The following LRP1B variants were observed in gnomAD, a reference collection of about 807,000 sequenced individuals.
The protein encoded by LRP1B is LDL receptor related protein 1B.
LRP1B carries 217 observed loss-of-function variants against 556.6 expected under a neutral mutation model. That is an observed-to-expected ratio of 0.39 (90% CI 0.35 to 0.44). The LOEUF (loss-of-function observed/expected upper bound fraction) is 0.44, where lower values mean the gene tolerates loss of function less well. Ranked by LOEUF, LRP1B falls within the 20% of genes least tolerant of loss-of-function variation. The pLI, the probability that LRP1B is intolerant of heterozygous loss-of-function variation, is 1.00. For synonymous variants in LRP1B, 2,047 were observed against 1,865.8 expected (o/e 1.10, Z -2.50); for missense variants, 5,053 against 5,620.8 (o/e 0.90, Z 3.23).
intron 3 of LRP1B, among the ~76,000 whole-genome samples, chr2:141,315,567 G>GT (rs1404024532): frequency 6.6e-6 from 1 of 151,468 alleles, no homozygotes; most frequent in Non-Finnish European, 1.5e-5. Context: ...CCGAATGATT[G>GT]TATTTTATAA....
intron 1 of LRP1B, among the ~76,000 whole-genome samples, chr2:142,118,481 C>T (rs1362216883): frequency 1.3e-5 from 2 of 152,110 alleles, no homozygotes; most frequent in African/African-American, 2.4e-5. Context: ...TCCAACGGGT[C>T]AACATTTTCT....
At chr2:141,428,336 C>G (rs2104978673) in intron 3 of LRP1B, among the ~76,000 whole-genome samples, 1 of 152,146 alleles carries the variant, frequency 6.6e-6, no homozygotes, top group East Asian at 1.9e-4. Flanking sequence ...CTTGACAAAT[C>G]AAAACATGAA....
In LRP1B at chr2:141,444,878, C is replaced by T. The variant is rs191317699; in HGVS notation, c.343+35518G>A. Among the ~76,000 whole-genome samples the T allele has an allele frequency of 4.7e-4, 72 of 152,212 alleles. 2 individuals carry two copies. In the South Asian group the frequency reaches 5.8e-3, roughly 12 times the overall value. On this transcript the variant is annotated intron_variant, in intron 3 of 90. Coordinates refer to ENST00000389484, the MANE Select transcript of LRP1B (RefSeq NM_018557.3). ...ATGGATGTTCATCAGGGATATTGGC[C>T]TGAACTTTTCTTTTTCTGTTGTGTC...
At chr2:141,017,446 TA>T (rs1697936483) in intron 12 of LRP1B, among the ~76,000 whole-genome samples, 1 of 151,476 alleles carries the variant, frequency 6.6e-6, no homozygotes, top group Admixed American at 6.6e-5. Flanking sequence ...AAATCACACA[TA>T]CATGTGCCTG....
chr2:141,957,186 G>A (rs1263838377), intron 1 of LRP1B, among the ~76,000 whole-genome samples: 1 of 151,916 alleles, frequency 6.6e-6, no homozygotes, highest in Non-Finnish European at 1.5e-5. Flanking sequence ...TGGTCCTAGA[G>A]AATCAAGAAA....
intron 11 of LRP1B, among the ~76,000 whole-genome samples, chr2:141,025,666 C>G (rs1318433958): frequency 6.6e-5 from 10 of 152,040 alleles, no homozygotes; most frequent in African/African-American, 2.2e-4. Flanking sequence ...TGCTGATGTA[C>G]TCTGCAAATT....
At chr2:140,678,490 T>G (rs1399482388) in intron 41 of LRP1B, among the ~76,000 whole-genome samples, 4 of 152,218 alleles carry the variant, frequency 2.6e-5, no homozygotes, top group Admixed American at 1.3e-4. Context: ...CAGAACATAT[T>G]AGCATTAAAG....
At chr2:141,208,876 CAAAAAAAAAAAAAAAAAAAAAAAAA>C (rs57659094) in intron 6 of LRP1B, among the ~76,000 whole-genome samples, 62 of 65,484 alleles carry the variant, frequency 9.5e-4, no homozygotes, top group African/African-American at 3.2e-3. Context: ...GATTCCGTCT[CAAAAAAAAAAAAAAAAAAAAAAAAA>C]AAAAAAAAAA....
intron 11 of LRP1B, among the ~76,000 whole-genome samples, chr2:141,026,644 A>G (rs1414027070): frequency 6.6e-6 from 1 of 152,004 alleles, no homozygotes; most frequent in African/African-American, 2.4e-5. Flanking sequence ...GCCTGTGTGG[A>G]CTCTAGGTAA....
chr2:140,270,724 C>T lies in LRP1B; in HGVS notation c.13143-378G>A, dbSNP rs76521345. 7.8e-3 allele frequency among the ~76,000 whole-genome samples: 1,179 copies of T among 151,944 alleles called. 7 individuals are homozygous for T. Among genetic ancestry groups the T allele is most frequent in the Middle Eastern group, 0.031 (9 of 292 alleles). On this transcript the variant is annotated intron_variant, in intron 85 of 90. Coordinates refer to ENST00000389484, the MANE Select transcript of LRP1B (RefSeq NM_018557.3). The stretch of plus-strand genomic sequence containing the variant: ...GGTGACATCTGTGTGAATGATAAAC[C>T]ACATGATCAAGTACTCTGGAAAAAC...
intron 1 of LRP1B, among the ~76,000 whole-genome samples, chr2:142,028,284 C>T (rs953482120): frequency 1.3e-5 from 2 of 151,938 alleles, no homozygotes; most frequent in Non-Finnish European, 2.9e-5. Context: ...ATAATTAGGT[C>T]GTGTAACAGT....
Position 140,285,111 on chromosome 2 carries a change from ATGTG to A in LRP1B, c.12968-10517_12968-10514del, listed in dbSNP as rs946655457. ...CCTATATCTCTCTCTCTATATATAT[ATGTG>A]TGTGTATATATATGTGTGTGTGTAG... is the stretch of plus-strand genomic sequence containing the variant. On this transcript the variant is annotated intron_variant, in intron 84 of 90. Transcript: ENST00000389484. 8.7e-5 allele frequency among the ~76,000 whole-genome samples: 13 copies of A among 150,002 alleles called. No homozygotes were observed. In the East Asian group the frequency reaches 2.0e-3, roughly 23 times the overall value.
At chr2:141,932,588 A>C (rs1700536799) in intron 1 of LRP1B, among the ~76,000 whole-genome samples, 1 of 152,108 alleles carries the variant, frequency 6.6e-6, no homozygotes, top group African/African-American at 2.4e-5. Flanking sequence ...AGAAGAAAAT[A>C]AATTTTAAAT....
chr2:140,426,791 G>C (rs1022965133), intron 66 of LRP1B, among the ~76,000 whole-genome samples: 10 of 152,126 alleles, frequency 6.6e-5, no homozygotes, highest in African/African-American at 2.4e-4. Context: ...TCTTCACATG[G>C]ACGTGCATGA....
chr2:141,554,034 T>C (rs1215266242), intron 2 of LRP1B, among the ~76,000 whole-genome samples: 1 of 141,444 alleles, frequency 7.1e-6, no homozygotes, highest in Non-Finnish European at 1.5e-5. Flanking sequence ...ATAGATTATA[T>C]ATCTATATTA....
intron 18 of LRP1B, among the ~76,000 whole-genome samples, chr2:140,964,911 G>A (rs966887463): frequency 2.0e-5 from 3 of 152,122 alleles, no homozygotes; most frequent in African/African-American, 2.4e-5. Context: ...CTGAGACTGC[G>A]TCATTGCACT....
chr2:140,324,256 T>TAAAC (rs2105060252), intron 80 of LRP1B, among the ~76,000 whole-genome samples, 190 bp from the exon 81 acceptor site: 1 of 152,172 alleles, frequency 6.6e-6, no homozygotes, highest in Admixed American at 6.6e-5. Context: ...TGCAATATAG[T>TAAAC]AAACATGTTA....
chr2:141,011,722 A>G (rs755060987), intron 14 of LRP1B, among the ~76,000 whole-genome samples: 1 of 152,078 alleles, frequency 6.6e-6, no homozygotes, highest in Non-Finnish European at 1.5e-5. Context: ...TTTTATTTTA[A>G]TGTCCCTTCA....
At chr2:142,083,369 T>C (rs1355701945) in intron 1 of LRP1B, among the ~76,000 whole-genome samples, 2 of 152,190 alleles carry the variant, frequency 1.3e-5, no homozygotes, top group Admixed American at 1.3e-4. Context: ...TTCTCACTTA[T>C]CGGTCCTTCA....
Sources: gnomAD v4.1 joint callset for allele counts (sites outside exome capture counted in the v4.1 genomes callset) on GRCh38, gnomAD v4.1.1 for gene constraint, MANE v1.5 for transcripts, NCBI Gene and HGNC (gene_info 2026-07-23, HGNC 2026-07-21) for gene names.